CEP131: variants seen among roughly 807,000 people sequenced by gnomAD.
CEP131 encodes the protein centrosomal protein 131.
In CEP131, 99 loss-of-function variants were observed where a neutral mutation model predicts 136.8. The observed-to-expected ratio is 0.72, with a 90% CI of 0.62 to 0.86. CEP131 has a LOEUF of 0.86. CEP131 is among the 40% of genes least tolerant of loss of function. The pLI is 0.00. For missense variants in CEP131, 1,459 were observed against 1,463.0 expected (o/e 1.00, Z 0.04); for synonymous variants, 646 against 612.7 (o/e 1.05, Z -0.80).
At chr17:81,213,227 T>G (rs2062172629) in intron 2 of CEP131, among the ~76,000 whole-genome samples, 1 of 152,110 alleles carries the variant, frequency 6.6e-6, no homozygotes, top group Admixed American at 6.5e-5. Flanking sequence ...AAGTGTAAAA[T>G]AAATATCCAC....
Position 81,195,874 on chromosome 17 carries a change from G to A in CEP131, c.1977C>T (p.Cys659=), listed in dbSNP as rs1231229481. ...CCTGTGCCTGGGCCACACGCTCGGT[G>A]CATCTCTGGTCCTCCTGCTTCAGCT... ...VAELKQEDQR[C]TERVAQAQAQ... The change falls in exon 16 of 26, where the codon TGC becomes TGT. Residue 659 remains cysteine, a synonymous_variant. Transcript: ENST00000450824. 3 of 1,608,364 alleles carry A rather than the reference G, an allele frequency of 1.9e-6. No individual in the cohort carries two copies. The highest frequency in any genetic ancestry group is 4.5e-5 in the East Asian group (2 of 44,896).
Position 81,222,277 on chromosome 17 carries a change from G to C in CEP131, c.-18+492C>G, listed in dbSNP as rs573257168. On this transcript the variant is annotated intron_variant, in intron 1 of 25. Transcript: ENST00000450824. ...GGCGGGGACTGATGACCAGCGCCAGGACCTGGTTCCCAGGGTGGGCTGACC... is the reference window on the plus strand; with the variant it reads ...GGCGGGGACTGATGACCAGCGCCAGCACCTGGTTCCCAGGGTGGGCTGACC... Among the ~76,000 whole-genome samples the C allele has an allele frequency of 6.0e-5, 9 of 150,380 alleles. No homozygotes were observed. In the South Asian group the frequency reaches 8.6e-4, roughly 14 times the overall value.
In CEP131 at chr17:81,199,540, G is replaced by C. The variant is rs757095172; in HGVS notation, c.1033C>G (p.Gln345Glu). 4.4e-6 allele frequency: 7 copies of C among 1,606,210 alleles called. No individual in the cohort carries two copies. The highest frequency in any genetic ancestry group is 1.3e-5 in the African/African-American group (1 of 74,916). Residue 345 changes from glutamine (Q) to glutamate (E), a missense_variant, in exon 10 of 26, where the codon CAG becomes GAG. This residue lies in a region of CEP131 where 246 missense variants were observed against 318.9 expected (regional missense o/e 0.77). Coordinates refer to ENST00000450824, the MANE Select transcript of CEP131 (RefSeq NM_014984.4). ...ARRAAIQELQ[Q>E]KRALRAQKAS... ...TTCTGGGCTCTCAGGGCTCGTTTCT[G>C]TTGCAGCTCCTGCAGTGGGAGCATC... is the stretch of plus-strand genomic sequence containing the variant.
chr17:81,192,427 C>A, intron 20 of CEP131, 35 bp from the exon 21 acceptor site: 3 of 1,611,646 alleles, frequency 1.9e-6, no homozygotes, highest in Non-Finnish European at 2.5e-6. Context: ...GTCAGTCCCA[C>A]CCCGTGCAGC....
In CEP131 at chr17:81,192,504, C is replaced by T. The variant is rs1048735162; in HGVS notation, c.2519G>A (p.Gly840Asp). The change falls in exon 20 of 26, where the codon GGC becomes GAC. Residue 840 changes from glycine to aspartate, a missense_variant. By Grantham distance (94) the Gly-to-Asp change is moderately conservative. Coordinates refer to ENST00000450824, the MANE Select transcript of CEP131 (RefSeq NM_014984.4). ...GTGCCGGCGCTCCTGCTCCTCCCTG[C>T]CCTTCTCAAACTCAGCCCTCAGGGC... ...TRALRAEFEK[G>D]REEQERRHQM... The T allele has an allele frequency of 1.2e-6, 2 of 1,611,692 alleles. No homozygotes were observed. Among genetic ancestry groups the T allele is most frequent in the East Asian group, 4.5e-5 (2 of 44,850 alleles).
intron 16 of CEP131, among the ~76,000 whole-genome samples, chr17:81,195,554 T>G (rs1598275360): frequency 6.6e-6 from 1 of 152,120 alleles, no homozygotes. Context: ...CAGAGGCTCC[T>G]GGGTCCACGG....
At chr17:81,200,926 C>A (rs2061876969) in intron 7 of CEP131, among the ~76,000 whole-genome samples, 1 of 152,166 alleles carries the variant, frequency 6.6e-6, no homozygotes, top group African/African-American at 2.4e-5. Flanking sequence ...GGGGAAGGAG[C>A]TCGAGGGAAG....
At position 81,189,743 on chromosome 17, in the gene CEP131, T is replaced by C; in HGVS notation, c.*26A>G. On this transcript the variant is annotated 3_prime_UTR_variant, in exon 26 of 26. Coordinates refer to ENST00000450824, the MANE Select transcript of CEP131 (RefSeq NM_014984.4). The stretch of plus-strand genomic sequence containing the variant: ...AGCCTCTGTCCTCTGCCTTCCGTTC[T>C]TCGACAGTGTTCCCGGCATCCCTGG... The C allele has an allele frequency of 6.4e-7, 1 of 1,573,760 alleles. No homozygotes were observed. Among genetic ancestry groups the C allele is most frequent in the Non-Finnish European group, 8.6e-7 (1 of 1,156,536 alleles).
In CEP131 at chr17:81,203,701, C is replaced by A. The variant is rs1050651503; in HGVS notation, c.516-94G>T. On this transcript the variant is annotated intron_variant, in intron 5 of 25. Transcript: ENST00000450824. The surrounding 1 kb of genome is among the most constrained non-coding windows in gnomAD (Gnocchi z 4.6). ...ACTCGCAGCACGGGCTGGGAGGGAACAAAGGCCTTCAGTGCTTGCTACGTG... is the reference window on the plus strand; with the variant it reads ...ACTCGCAGCACGGGCTGGGAGGGAAAAAAGGCCTTCAGTGCTTGCTACGTG... 1 of 954,200 alleles carries A rather than the reference C, an allele frequency of 1.0e-6. No individual in the cohort carries two copies. Among genetic ancestry groups the A allele is most frequent in the Non-Finnish European group, 1.6e-6 (1 of 633,034 alleles). The allele number at this position is 954,200 out of a possible 1,614,324, so 59.1% of individuals were successfully genotyped here. A position where few individuals can be genotyped will look rare whatever the true frequency, so the allele number is the denominator to read the frequency against.
intron 2 of CEP131, among the ~76,000 whole-genome samples, chr17:81,214,826 G>A (rs769386909): frequency 8.5e-5 from 13 of 152,104 alleles, no homozygotes; most frequent in Non-Finnish European, 1.6e-4. Context: ...AGGGTGGAGT[G>A]CAGTGGCGCG....
chr17:81,204,548 T>G (rs571670526), intron 5 of CEP131, among the ~76,000 whole-genome samples: 8 of 152,224 alleles, frequency 5.3e-5, no homozygotes, highest in Admixed American at 4.6e-4. Flanking sequence ...AGCTAACTCC[T>G]AGGGCCTCCC....
Position 81,193,920 on chromosome 17 carries a change from AC to A in CEP131, c.2321+5del, listed in dbSNP as rs1567850070. Reference sequence around the variant, plus strand: ...CTGGCCCCACCGGCCTGGGGCCACCACCCACCGCTGCCGAGCACGTTCGCGC... The same window carrying A: ...CTGGCCCCACCGGCCTGGGGCCACCACCACCGCTGCCGAGCACGTTCGCGC... On this transcript the variant is annotated splice_donor_5th_base_variant and intron_variant, in intron 18 of 25. Transcript: ENST00000450824. 14 of 1,532,382 alleles carry A rather than the reference AC, an allele frequency of 9.1e-6. No homozygotes were observed. Among genetic ancestry groups the A allele is most frequent in the Non-Finnish European group, 1.1e-5 (13 of 1,142,016 alleles). The allele number at this position is 1,532,382 out of a possible 1,614,324, so 94.9% of individuals were successfully genotyped here. A position where few individuals can be genotyped will look rare whatever the true frequency, so the allele number is the denominator to read the frequency against.
Position 81,207,225 on chromosome 17 carries a change from G to C in CEP131, c.287C>G (p.Thr96Arg). 6.2e-7 allele frequency: 1 copy of C among 1,613,362 alleles called. No individual in the cohort carries two copies. The highest frequency in any genetic ancestry group is 8.5e-7 in the Non-Finnish European group (1 of 1,179,914). The change falls in exon 4 of 26, where the codon ACA becomes AGA. Residue 96 changes from threonine (T) to arginine (R), a missense_variant. Thr to Arg is a moderately conservative substitution (Grantham distance 71). This residue lies in a region of CEP131 where 187 missense variants were observed against 179.9 expected (regional missense o/e 1.04). Transcript: ENST00000450824. ...GCCCTCGAAGAGCATCAGGAAGTCT[G>C]TGGGCTCCGTTGGCCTGCATCCGAG... ...RSGSPRPTEP[T>R]DFLMLFEGSP...
chr17:81,195,952 C>G lies in CEP131; in HGVS notation c.1900-1G>C, dbSNP rs539581530. 3.7e-6 allele frequency: 6 copies of G among 1,607,794 alleles called. No individual in the cohort carries two copies. The South Asian group carries it at 5.5e-5, about 15-fold the overall frequency. On this transcript the variant is annotated splice_acceptor_variant, in intron 15 of 25. Coordinates refer to ENST00000450824, the MANE Select transcript of CEP131 (RefSeq NM_014984.4). LOFTEE classifies it high-confidence loss of function. ...TCAGGACCTTCTTGTCCTCAATCAG[C>G]TGTGTTGGGGACCGGAGGTGAGGTG...
chr17:81,211,360 A>T (rs2062128293), intron 2 of CEP131, among the ~76,000 whole-genome samples: 1 of 152,208 alleles, frequency 6.6e-6, no homozygotes, highest in Admixed American at 6.5e-5. Context: ...GAGAAACAAG[A>T]TGCCTTCTGG....
intron 2 of CEP131, among the ~76,000 whole-genome samples, chr17:81,209,556 A>G (rs2062088162): frequency 6.1e-5 from 8 of 130,552 alleles, no homozygotes; most frequent in Admixed American, 1.7e-4. Flanking sequence ...CGCAGCAGAC[A>G]CTAAGCAAGG....
intron 24 of CEP131, among the ~76,000 whole-genome samples, chr17:81,190,354 G>A (rs1430603222): frequency 6.6e-6 from 1 of 152,150 alleles, no homozygotes; most frequent in Non-Finnish European, 1.5e-5. Context: ...CCCAGCCCAG[G>A]GCCCCGGGAG....
rs371442789 is a variant in CEP131 at position 81,190,633 on chromosome 17, G to A, written c.3107+6C>T. ...CGTCTCCAGCCCTGCAGCCCCCGCC[G>A]CCCACCTCCGGTGCACCTCCTCCAG... On this transcript the variant is annotated splice_donor_region_variant and intron_variant, in intron 24 of 25. Transcript: ENST00000450824. 211 of 1,572,706 alleles carry A rather than the reference G, an allele frequency of 1.3e-4. No individual in the cohort carries two copies. The highest frequency in any genetic ancestry group is 1.7e-4 in the Non-Finnish European group (197 of 1,165,058).
intron 15 of CEP131, among the ~76,000 whole-genome samples, 154 bp from the exon 16 acceptor site, chr17:81,196,105 G>A (rs888609687): frequency 6.6e-6 from 1 of 152,088 alleles, no homozygotes; most frequent in Non-Finnish European, 1.5e-5. Flanking sequence ...TGGGGCCAGT[G>A]GGGGGGCACG....
Sources: allele counts gnomAD v4.1 joint callset (sites outside exome capture counted in the v4.1 genomes callset), GRCh38; gene constraint gnomAD v4.1.1; regional missense constraint gnomAD v4.1.1; non-coding constraint Gnocchi (gnomAD v3.1); transcripts MANE v1.5; gene names NCBI Gene and HGNC (gene_info 2026-07-23, HGNC 2026-07-21).